The following CELSR1 variants were observed in gnomAD, a reference collection of about 807,000 sequenced individuals.
CELSR1 encodes cadherin EGF LAG seven-pass G-type receptor 1.
In CELSR1, 110 loss-of-function variants were observed where a neutral mutation model predicts 249.1. The observed-to-expected ratio is 0.44, with a 90% CI of 0.38 to 0.52. The LOEUF (loss-of-function observed/expected upper bound fraction) is 0.52. Ranked by LOEUF, CELSR1 falls within the 20% of genes least tolerant of loss-of-function variation. CELSR1 has a pLI of 0.00. For missense variants in CELSR1, 4,109 were observed against 4,296.4 expected (o/e 0.96, Z 1.22); for synonymous variants, 2,113 against 1,900.0 (o/e 1.11, Z -2.92).
At chr22:46,529,048 G>A (rs1478704309) in intron 1 of CELSR1, among the ~76,000 whole-genome samples, 5 of 151,282 alleles carry the variant, frequency 3.3e-5, no homozygotes, top group South Asian at 2.1e-4. Flanking sequence ...GGTGGATCAC[G>A]AGGTCAGGAG....
rs764060125 is a variant in CELSR1, at chr22:46,512,361, A to G, written c.3544+21266T>C. On this transcript the variant is annotated intron_variant, in intron 1 of 34. Coordinates refer to ENST00000674500, the MANE Select transcript of CELSR1 (RefSeq NM_001378328.1). The surrounding 1 kb of genome is among the most constrained non-coding windows in gnomAD (Gnocchi z 5.2). The stretch of plus-strand genomic sequence containing the variant: ...CAAGGCAGGCGGATCACATGAGGTC[A>G]GGAGATCGAGACCATCCTGGCCAAT... Among the ~76,000 whole-genome samples, 6 of 152,226 alleles carry G rather than the reference A, an allele frequency of 3.9e-5. No homozygotes were observed. Among genetic ancestry groups the G allele is most frequent in the Non-Finnish European group, 5.9e-5 (4 of 68,036 alleles).
chr22:46,416,634 A>T (rs992931860), intron 5 of CELSR1, among the ~76,000 whole-genome samples: 8 of 152,164 alleles, frequency 5.3e-5, no homozygotes, highest in African/African-American at 1.9e-4. Flanking sequence ...TCCTGCAGCC[A>T]CCTGAGAAAA....
In CELSR1 at chr22:46,534,701, T is replaced by C. The variant is rs2080831203; in HGVS notation, c.2470A>G (p.Ile824Val). ...ACGGGGTCCTGAATCACGTAGGTGA[T>C]GCGGGCATTCTCTCCTGTGTCCTCA... ...NDEDTGENAR[I>V]TYVIQDPVPQ... The change falls in exon 1 of 35, where the codon ATC (isoleucine) becomes GTC (valine). Residue 824 changes from isoleucine (I) to valine (V), a missense_variant. This residue lies in a region of CELSR1 where 886 missense variants were observed against 896.5 expected (regional missense o/e 0.99). Transcript: ENST00000674500. This position sits in a 1 kb window ranked among gnomAD's most constrained non-coding sequence, Gnocchi z 9.7. 6.2e-7 allele frequency: 1 copy of C among 1,613,410 alleles called. No homozygotes were observed. Among genetic ancestry groups the C allele is most frequent in the South Asian group, 1.1e-5 (1 of 91,090 alleles).
At chr22:46,502,957 C>G (rs571193581) in intron 1 of CELSR1, among the ~76,000 whole-genome samples, 15 of 152,162 alleles carry the variant, frequency 9.9e-5, no homozygotes, top group Non-Finnish European at 2.1e-4. Flanking sequence ...AGCAGGTCCC[C>G]GCAGGCCACG....
chr22:46,380,811 G>A lies in CELSR1; in HGVS notation c.7233C>T (p.Cys2411=), dbSNP rs1318453820. 4 of 1,612,722 alleles carry A rather than the reference G, an allele frequency of 2.5e-6. No individual in the cohort carries two copies. The highest frequency in any genetic ancestry group is 1.7e-5 in the Admixed American group (1 of 59,996). Residue 2411 remains cysteine (C), a synonymous_variant, in exon 22 of 35, where the codon TGC becomes TGT. Transcript: ENST00000674500. This position sits in a 1 kb window ranked among gnomAD's most constrained non-coding sequence, Gnocchi z 5.1. ...LEVEERTKPV[C]VFWNHSLAVG... Reference sequence around the variant, plus strand: ...ACGCCAGGGAGTGGTTCCAGAACACGCAGACAGGCTTGGTTCGCTCCTCCA... The same window carrying A: ...ACGCCAGGGAGTGGTTCCAGAACACACAGACAGGCTTGGTTCGCTCCTCCA...
At chr22:46,421,099 C>T (rs574431311) in intron 5 of CELSR1, among the ~76,000 whole-genome samples, 2 of 152,336 alleles carry the variant, frequency 1.3e-5, no homozygotes, top group South Asian at 4.1e-4. Flanking sequence ...GCACCTCCTC[C>T]TCCAGGAGCT....
chr22:46,515,379 T>C (rs1402647126), intron 1 of CELSR1, among the ~76,000 whole-genome samples: 1 of 152,192 alleles, frequency 6.6e-6, no homozygotes, highest in Non-Finnish European at 1.5e-5. Flanking sequence ...CCAAGTCACA[T>C]GACCCCCAGG....
chr22:46,372,944 G>A lies in CELSR1; in HGVS notation c.7698C>T (p.Ile2566=), dbSNP rs762159762. The A allele has an allele frequency of 2.9e-5, 47 of 1,613,334 alleles. No homozygotes were observed. In the East Asian group the frequency reaches 7.8e-4, roughly 27 times the overall value. The change falls in exon 25 of 35, where the codon ATC becomes ATT. Residue 2566 remains isoleucine (I), a synonymous_variant. Transcript: ENST00000674500. The part of the protein sequence containing the change: ...VYRMLTEVRN[I]DTGPMRFYYV... ...AGTAGAACCGCATGGGCCCCGTGTC[G>A]ATGTTGCGCACCTCGGTCAGCATGC...
chr22:46,536,272 G>C lies in CELSR1; in HGVS notation c.899C>G (p.Ser300Cys). Reference sequence around the variant, plus strand: ...GTCCGTGCTCACGGCGCCCGTGGCAGAGTCGATTCGGAAGTAGCCCCGGGA... The same window carrying C: ...GTCCGTGCTCACGGCGCCCGTGGCACAGTCGATTCGGAAGTAGCCCCGGGA... ...ERSRGYFRID[S>C]ATGAVSTDSV... is the part of the protein sequence containing the mutation. Residue 300 changes from serine (S) to cysteine (C), a missense_variant, in exon 1 of 35, where the codon TCT becomes TGT. Coordinates refer to ENST00000674500, the MANE Select transcript of CELSR1 (RefSeq NM_001378328.1). 1 of 1,612,516 alleles carries C rather than the reference G, an allele frequency of 6.2e-7. No homozygotes were observed. Among genetic ancestry groups the C allele is most frequent in the Non-Finnish European group, 8.5e-7 (1 of 1,179,858 alleles).
intron 1 of CELSR1, among the ~76,000 whole-genome samples, chr22:46,514,298 A>G (rs1290330177): frequency 6.6e-6 from 1 of 152,074 alleles, no homozygotes; most frequent in Non-Finnish European, 1.5e-5. Context: ...GACTACTCAC[A>G]ATGGAGCCGG....
At position 46,429,815 on chromosome 22, in the gene CELSR1, C is replaced by G. The variant is rs2079574150; in HGVS notation, c.4611+3578G>C. On this transcript the variant is annotated intron_variant, in intron 5 of 34. Coordinates refer to ENST00000674500, the MANE Select transcript of CELSR1 (RefSeq NM_001378328.1). This position sits in a 1 kb window ranked among gnomAD's most constrained non-coding sequence, Gnocchi z 4.1. ...GACCATGACCCCTTCTTTCTGGGCT[C>G]CAATCTGCCCTTTCCCTTGATGCTC... 1.3e-5 allele frequency among the ~76,000 whole-genome samples: 2 copies of G among 152,248 alleles called. No homozygotes were observed. The highest frequency in any genetic ancestry group is 1.3e-4 in the Admixed American group (2 of 15,292).
At chr22:46,482,230 C>A (rs738461) in intron 1 of CELSR1, among the ~76,000 whole-genome samples, 131,225 of 152,206 alleles carry the variant, frequency 0.86, 56,820 homozygotes, top group East Asian at 1. Flanking sequence ...CCTTAACCCA[C>A]GAGAGTATCC....
At position 46,447,693 on chromosome 22, in the gene CELSR1, G is replaced by A. The variant is rs2079835957; in HGVS notation, c.4184-8282C>T. Among the ~76,000 whole-genome samples the A allele has an allele frequency of 1.3e-5, 2 of 152,254 alleles. No homozygotes were observed. Among genetic ancestry groups the A allele is most frequent in the African/African-American group, 2.4e-5 (1 of 41,544 alleles). On this transcript the variant is annotated intron_variant, in intron 2 of 34. Transcript: ENST00000674500. The surrounding 1 kb of genome is among the most constrained non-coding windows in gnomAD (Gnocchi z 4.7). ...GCTGGAGTGCAATGGTGCGATCTCG[G>A]CTCACAACCTCCACCTCCCAGGTTC...
intron 4 of CELSR1, among the ~76,000 whole-genome samples, chr22:46,435,591 C>T (rs1297621424): frequency 6.6e-6 from 1 of 151,992 alleles, no homozygotes; most frequent in Non-Finnish European, 1.5e-5. Context: ...CCAGTGTTGA[C>T]ATTTTTAATC....
chr22:46,480,085 C>G (rs991561511), intron 1 of CELSR1, among the ~76,000 whole-genome samples: 1 of 152,232 alleles, frequency 6.6e-6, no homozygotes, highest in Non-Finnish European at 1.5e-5. Context: ...TCCTCTTCTA[C>G]TGTTCACTCC....
rs1020171965 is a variant in CELSR1, at chr22:46,437,921, A to G, written c.4406+1268T>C. Among the ~76,000 whole-genome samples the G allele has an allele frequency of 2.6e-5, 4 of 152,204 alleles. No homozygotes were observed. Among genetic ancestry groups the G allele is most frequent in the Non-Finnish European group, 4.4e-5 (3 of 68,034 alleles). On this transcript the variant is annotated intron_variant, in intron 3 of 34. Transcript: ENST00000674500. This position sits in a 1 kb window ranked among gnomAD's most constrained non-coding sequence, Gnocchi z 4.9. ...ATCTTAATGACGACGGGACCAACTC[A>G]GTGCAGGCTTGTTTCCTGAGACTCA...
chr22:46,536,957 G>T lies in CELSR1; in HGVS notation c.214C>A (p.Arg72=). The T allele has an allele frequency of 8.7e-7, 1 of 1,147,962 alleles. No homozygotes were observed. Among genetic ancestry groups the T allele is most frequent in the African/African-American group, 1.6e-5 (1 of 60,764 alleles). 71.1% of individuals were successfully genotyped at this position (1,147,962 alleles called of 1,614,324 possible). The part of the protein sequence containing the change: ...RELLDVGRDG[R]LAGRRRVSGA... ...GAGACGCGCCGACGTCCTGCCAGCC[G>T]CCCATCGCGGCCCACGTCCAGCAGC... is the stretch of plus-strand genomic sequence containing the variant. The change falls in exon 1 of 35, where the codon CGG becomes AGG. Residue 72 remains arginine, a synonymous_variant. Transcript: ENST00000674500.
chr22:46,384,548 T>C lies in CELSR1; in HGVS notation c.6878A>G (p.Glu2293Gly). 1 of 1,605,824 alleles carries C rather than the reference T, an allele frequency of 6.2e-7. No individual in the cohort carries two copies. Among genetic ancestry groups the C allele is most frequent in the Admixed American group, 1.7e-5 (1 of 58,262 alleles). ...AGGTTTCTAAGCGGTTTTACCTTTT[T>C]CTTCAGGTGGTCTGAAGAAGTCGGC... ...FPADFFRPPE[E>G]KEGPLLRPAG... The change falls in exon 20 of 35, where the codon GAA becomes GGA. Residue 2293 changes from glutamate to glycine, a missense_variant. Physicochemically the swap from Glu to Gly is moderately conservative, Grantham distance 98. This residue lies in a region of CELSR1 where 1,805 missense variants were observed against 1,831.6 expected (regional missense o/e 0.99). Coordinates refer to ENST00000674500, the MANE Select transcript of CELSR1 (RefSeq NM_001378328.1).
chr22:46,452,126 C>T (rs886641917), intron 2 of CELSR1, among the ~76,000 whole-genome samples: 6 of 151,978 alleles, frequency 3.9e-5, no homozygotes, highest in Admixed American at 1.3e-4. Context: ...ATTTTCAGCG[C>T]CCCGGTTTGT....
Sources: gnomAD v4.1 joint callset for allele counts (sites outside exome capture counted in the v4.1 genomes callset) on GRCh38, gnomAD v4.1.1 for gene constraint, gnomAD v4.1.1 regional missense constraint, Gnocchi (gnomAD v3.1) non-coding constraint, MANE v1.5 for transcripts, NCBI Gene and HGNC (gene_info 2026-07-23, HGNC 2026-07-21) for gene names.